VSIG2: variants seen among roughly 807,000 people sequenced by gnomAD.
VSIG2 encodes V-set and immunoglobulin domain containing 2, also known as V-set and immunoglobulin domain-containing protein 2.
A neutral mutation model predicts 29.4 loss-of-function variants in VSIG2; 30 were observed. The ratio of observed to expected loss-of-function variants is 1.02; its 90% CI spans 0.76 to 1.38. The LOEUF (loss-of-function observed/expected upper bound fraction) is 1.38, where lower values mean the gene tolerates loss of function less well. Ranked by LOEUF, VSIG2 falls within the 40% of genes most tolerant of loss-of-function variation. VSIG2 has a pLI of 0.00. For synonymous variants in VSIG2, 178 were observed against 174.2 expected (o/e 1.02, Z -0.17); for missense variants, 421 against 400.8 (o/e 1.05, Z -0.43).
intron 4 of VSIG2, among the ~76,000 whole-genome samples, chr11:124,749,446 C>T (rs1479682460): frequency 6.6e-6 from 1 of 152,170 alleles, no homozygotes; most frequent in Non-Finnish European, 1.5e-5. Flanking sequence ...TGGTCATCAT[C>T]AGATTGCTCC....
chr11:124,752,150 C>T lies in VSIG2; in HGVS notation c.-13G>A. 8.9e-6 allele frequency: 14 copies of T among 1,571,704 alleles called. No individual in the cohort carries two copies. The highest frequency in any genetic ancestry group is 1.0e-5 in the Non-Finnish European group (12 of 1,164,464). ...GGAGCTCGGCCATGGCCGCGTCCGG[C>T]CGTCCTGTCCTGCTCCTGCCAGGTG... On this transcript the variant is annotated 5_prime_UTR_variant, in exon 1 of 7. Coordinates refer to ENST00000326621, the MANE Select transcript of VSIG2 (RefSeq NM_014312.5).
In VSIG2 at chr11:124,751,581, C is replaced by G; in HGVS notation, c.62-1G>C. The G allele has an allele frequency of 6.3e-7, 1 of 1,586,366 alleles. No homozygotes were observed. Among genetic ancestry groups the G allele is most frequent in the Non-Finnish European group, 8.6e-7 (1 of 1,167,786 alleles). ...GGTACCTTCACCTCCACGGCCAGCCCTGGGGCCGGGGACCAGAGGGAGGTG... is the reference window on the plus strand; with the variant it reads ...GGTACCTTCACCTCCACGGCCAGCCGTGGGGCCGGGGACCAGAGGGAGGTG... On this transcript the variant is annotated splice_acceptor_variant, in intron 1 of 6. Coordinates refer to ENST00000326621, the MANE Select transcript of VSIG2 (RefSeq NM_014312.5). LOFTEE classifies it high-confidence loss of function.
At chr11:124,750,578 A>C in intron 3 of VSIG2, 136 bp downstream of exon 3, 1 of 791,800 alleles carries the variant, frequency 1.3e-6, no homozygotes, top group Non-Finnish European at 2.0e-6. Flanking sequence ...TTGGAAAGGG[A>C]GTATTTTCAC....
Position 124,749,885 on chromosome 11 carries a change from A to AACAAAAAAAAAAC in VSIG2, c.428-20_428-19insGTTTTTTTTTTGT, listed in dbSNP as rs1555108848. 8,030 of 1,416,098 alleles carry AACAAAAAAAAAAC rather than the reference A, an allele frequency of 5.7e-3. 318 individuals carry two copies. In the African/African-American group the frequency reaches 0.099, roughly 17 times the overall value. The allele number at this position is 1,416,098 out of a possible 1,614,324, so 87.7% of individuals were successfully genotyped here. A position where few individuals can be genotyped will look rare whatever the true frequency, so the allele number is the denominator to read the frequency against. The stretch of plus-strand genomic sequence containing the variant: ...GGGGGAACTGCAAAAAAAAAAAAAA[A>AACAAAAAAAAAAC]AAAAAAAAAACAGAAAGTTCCTCAG... On this transcript the variant is annotated intron_variant, in intron 3 of 6. Coordinates refer to ENST00000326621, the MANE Select transcript of VSIG2 (RefSeq NM_014312.5).
Position 124,752,246 on chromosome 11 carries a change from G to A in VSIG2, c.-109C>T. The stretch of plus-strand genomic sequence containing the variant: ...AAGGGCAGCCGCCCGGGCTGGGCAG[G>A]AGCGAGACTGGTATCTCAGAGCAAA... On this transcript the variant is annotated 5_prime_UTR_variant, in exon 1 of 7. Transcript: ENST00000326621. 8.8e-7 allele frequency: 1 copy of A among 1,130,586 alleles called. No individual in the cohort carries two copies. The highest frequency in any genetic ancestry group is 1.2e-6 in the Non-Finnish European group (1 of 821,310). 70.0% of individuals were successfully genotyped at this position (1,130,586 alleles called of 1,614,324 possible). A position where few individuals can be genotyped will look rare whatever the true frequency, so the allele number is the denominator to read the frequency against.
rs1314049961 is a variant in VSIG2 at position 124,750,786 on chromosome 11, A to G, written c.355T>C (p.Tyr119His). The G allele has an allele frequency of 2.5e-6, 4 of 1,614,022 alleles. No homozygotes were observed. Among genetic ancestry groups the G allele is most frequent in the Non-Finnish European group, 3.4e-6 (4 of 1,180,010 alleles). Residue 119 changes from tyrosine to histidine, a missense_variant, in exon 3 of 7, where the codon TAC (tyrosine) becomes CAC (histidine). Coordinates refer to ENST00000326621, the MANE Select transcript of VSIG2 (RefSeq NM_014312.5). ...TDVHPSDTGT[Y>H]LCQVNNPPDF... The stretch of plus-strand genomic sequence containing the variant: ...GGTGGGTTGTTGACTTGGCAGAGGT[A>G]GGTTCCAGTATCTGAGGGGTGGACG...
Position 124,751,450 on chromosome 11 carries a change from A to G in VSIG2, c.192T>C (p.Pro64=). ...GATGGGACTCAGAGATGGGTTTCCC[A>G]GGCTGCACAAAGCTCCACTCCAGGG... The part of the protein sequence containing the change: ...SFALEWSFVQ[P]GKPISESHPI... The change falls in exon 2 of 7, where the codon CCT becomes CCC. Residue 64 remains proline (P), a synonymous_variant. Transcript: ENST00000326621. The G allele has an allele frequency of 6.2e-7, 1 of 1,612,772 alleles. No homozygotes were observed. Among genetic ancestry groups the G allele is most frequent in the Non-Finnish European group, 8.5e-7 (1 of 1,179,996 alleles).
Position 124,748,488 on chromosome 11 carries a change from C to A in VSIG2, c.753G>T (p.Leu251=), listed in dbSNP as rs745351513. 3.1e-6 allele frequency: 5 copies of A among 1,614,194 alleles called. No individual in the cohort carries two copies. In the East Asian group the frequency reaches 8.9e-5, roughly 29 times the overall value. Residue 251 remains leucine, a synonymous_variant, in exon 6 of 7, where the codon CTG becomes CTT. Transcript: ENST00000326621. ...CAGCAACTGACAGCAACAGCACGCC[C>A]AGGAGCACCCCAATCAGAGCTCCGG... ...RVAGALIGVL[L]GVLLLSVAAF... is the part of the protein sequence containing the mutation.
At chr11:124,749,933 A>C in intron 3 of VSIG2, 67 bp from the exon 4 acceptor site, 4 of 1,445,334 alleles carry the variant, frequency 2.8e-6, no homozygotes, top group South Asian at 1.5e-5. Flanking sequence ...CCCACTCCCA[A>C]CTCCATTAGG....
At chr11:124,750,664 C>T (rs1284188730) in intron 3 of VSIG2, 50 bp downstream of exon 3, 1 of 1,590,588 alleles carries the variant, frequency 6.3e-7, no homozygotes. Flanking sequence ...GTGCAAACGC[C>T]CCAAGTATGT....
In VSIG2 at chr11:124,747,553, CT is replaced by C; in HGVS notation, c.965del (p.Lys322SerfsTer22). The C allele has an allele frequency of 6.2e-7, 1 of 1,612,944 alleles. No homozygotes were observed. On this transcript the variant is annotated frameshift_variant, in exon 7 of 7. Transcript: ENST00000326621. LOFTEE classifies it high-confidence loss of function. Reference sequence around the variant, plus strand: ...GGAGAAGTCACACGACCATAGGGAGCTTGGACTTGGTGGTCGTCACGGTGCT... The same window carrying C: ...GGAGAAGTCACACGACCATAGGGAGCTGGACTTGGTGGTCGTCACGGTGCT... The part of the protein sequence containing the change: ...SASTVTTTKS[K>X]LPMVV
chr11:124,749,759 AGTT>A lies in VSIG2; in HGVS notation c.532_534del (p.Asn178del). ...GTAGGAAAAGTTCCAAGACGCACCC[AGTT>A]GTACACTGGCTTAGGAGCCCCCTCG... On this transcript the variant is annotated inframe_deletion, in exon 4 of 7. Coordinates refer to ENST00000326621, the MANE Select transcript of VSIG2 (RefSeq NM_014312.5). 6.2e-7 allele frequency: 1 copy of A among 1,607,842 alleles called. No individual in the cohort carries two copies. Among genetic ancestry groups the A allele is most frequent in the Non-Finnish European group, 8.5e-7 (1 of 1,176,648 alleles).
Position 124,748,658 on chromosome 11 carries a change from G to T in VSIG2, c.692C>A (p.Thr231Asn), listed in dbSNP as rs780957554. 8.7e-6 allele frequency: 14 copies of T among 1,613,656 alleles called. No individual in the cohort carries two copies. The highest frequency in any genetic ancestry group is 1.2e-5 in the Non-Finnish European group (14 of 1,179,726). Residue 231 changes from threonine to asparagine, a missense_variant, in exon 5 of 7, where the codon ACC becomes AAC. Coordinates refer to ENST00000326621, the MANE Select transcript of VSIG2 (RefSeq NM_014312.5). ...AGCATCCCTACCGGTCACAGAGAGG[G>T]TCAGCTCACAGGATGCACTGCCCAT... The part of the protein sequence containing the change: ...NQMGSASCEL[T>N]LSVTEPSQGR...
In VSIG2 at chr11:124,751,453, C is replaced by A; in HGVS notation, c.189G>T (p.Gln63His). ...GGGACTCAGAGATGGGTTTCCCAGG[C>A]TGCACAAAGCTCCACTCCAGGGCGA... The part of the protein sequence containing the change: ...DSFALEWSFV[Q>H]PGKPISESHP... The change falls in exon 2 of 7, where the codon CAG becomes CAT. Residue 63 changes from glutamine to histidine, a missense_variant. Gln to His is a conservative substitution (Grantham distance 24, BLOSUM62 0). Transcript: ENST00000326621. The A allele has an allele frequency of 6.2e-7, 1 of 1,613,010 alleles. No individual in the cohort carries two copies. Among genetic ancestry groups the A allele is most frequent in the Non-Finnish European group, 8.5e-7 (1 of 1,180,018 alleles).
At chr11:124,750,525 G>A (rs1215218197) in intron 3 of VSIG2, among the ~76,000 whole-genome samples, 189 bp downstream of exon 3, 4 of 152,132 alleles carry the variant, frequency 2.6e-5, no homozygotes, top group Admixed American at 1.3e-4. Flanking sequence ...AGATGCTCTC[G>A]GTGGAGGGTG....
intron 2 of VSIG2, 139 bp downstream of exon 2, chr11:124,751,284 G>A: frequency 9.5e-7 from 1 of 1,052,016 alleles, no homozygotes; most frequent in Middle Eastern, 3.1e-4. Flanking sequence ...CTGCAGCTCT[G>A]AAAAGATCTA....
rs1944078182 is a variant in VSIG2, at chr11:124,750,926, G to A, written c.220-5C>T. ...GCCATTGGTGAAGTACAGGATCTGG[G>A]GAGAGGCAGAAGACACACATATGTG... On this transcript the variant is annotated splice_region_variant and splice_polypyrimidine_tract_variant and intron_variant, in intron 2 of 6. Transcript: ENST00000326621. 2 of 1,613,824 alleles carry A rather than the reference G, an allele frequency of 1.2e-6. No homozygotes were observed. The highest frequency in any genetic ancestry group is 4.5e-5 in the East Asian group (2 of 44,868).
chr11:124,750,867 C>T lies in VSIG2; in HGVS notation c.274G>A (p.Val92Ile), dbSNP rs755157884. Residue 92 changes from valine to isoleucine, a missense_variant, in exon 3 of 7, where the codon GTC becomes ATC. Val to Ile is a conservative substitution (Grantham distance 29). Coordinates refer to ENST00000326621, the MANE Select transcript of VSIG2 (RefSeq NM_014312.5). ...GTGGGGGGGTTCTGAAGCAGGCTGACCCGCTTTGACTTAGAACCAGTTGGA... is the reference window on the plus strand; with the variant it reads ...GTGGGGGGGTTCTGAAGCAGGCTGATCCGCTTTGACTTAGAACCAGTTGGA... Reference protein sequence around the residue: ...LYPTGSKSKRVSLLQNPPTVG... With the variant: ...LYPTGSKSKRISLLQNPPTVG... 1.9e-6 allele frequency: 3 copies of T among 1,614,020 alleles called. No homozygotes were observed. Among genetic ancestry groups the T allele is most frequent in the African/African-American group, 1.3e-5 (1 of 74,992 alleles).
intron 4 of VSIG2, 127 bp downstream of exon 4, chr11:124,749,581 A>C: frequency 1.5e-6 from 2 of 1,295,060 alleles, no homozygotes; most frequent in Non-Finnish European, 2.1e-6. Flanking sequence ...CAAGGAAGAG[A>C]CAGGGAAAGG....
Sources: gnomAD v4.1 joint callset for allele counts (sites outside exome capture counted in the v4.1 genomes callset) on GRCh38, gnomAD v4.1.1 for gene constraint, MANE v1.5 for transcripts, NCBI Gene and HGNC (gene_info 2026-07-23, HGNC 2026-07-21) for gene names.